Variants in TMOD1 observed in about 807,000 individuals in gnomAD.
TMOD1 encodes the protein tropomodulin 1, also known as tropomodulin-1.
A neutral mutation model predicts 40.6 loss-of-function variants in TMOD1; 17 were observed. The observed-to-expected ratio is 0.42, with a 90% CI of 0.29 to 0.63. TMOD1 has a LOEUF of 0.63. Among genes scored for constraint, TMOD1 ranks in the 20% least tolerant of loss-of-function variants. The pLI is 0.22. For missense variants in TMOD1, 391 were observed against 447.6 expected (o/e 0.87, Z 1.14); for synonymous variants, 181 against 175.0 (o/e 1.03, Z -0.27).
In TMOD1 at chr9:97,599,720, C is replaced by A; in HGVS notation, c.*22C>A. ...CTAGTGTGTGGCGGTGGAGTCCATG[C>A]CTTTGAACTGGATGTGTTCTATTGA... On this transcript the variant is annotated 3_prime_UTR_variant, in exon 10 of 10. Transcript: ENST00000259365. 1 of 1,613,974 alleles carries A rather than the reference C, an allele frequency of 6.2e-7. No homozygotes were observed. The highest frequency in any genetic ancestry group is 8.5e-7 in the Non-Finnish European group (1 of 1,179,988).
At chr9:97,563,826 A>G (rs1028706240) in intron 5 of TMOD1, among the ~76,000 whole-genome samples, 2 of 152,176 alleles carry the variant, frequency 1.3e-5, no homozygotes, top group Non-Finnish European at 2.9e-5. Context: ...TTCTTGCAGG[A>G]CGTCAAAGGC....
chr9:97,593,922 A>T (rs1365750936), intron 9 of TMOD1, among the ~76,000 whole-genome samples: 1 of 152,022 alleles, frequency 6.6e-6, no homozygotes, highest in Non-Finnish European at 1.5e-5. Flanking sequence ...TGAGTTCACA[A>T]AGTAGGAAGG....
chr9:97,601,637 G>A lies in TMOD1; in HGVS notation c.*1939G>A, dbSNP rs1041002495. 12 of 956,964 alleles carry A rather than the reference G, an allele frequency of 1.3e-5. No individual in the cohort carries two copies. The highest frequency in any genetic ancestry group is 7.1e-5 in the African/African-American group (4 of 56,614). The allele number at this position is 956,964 out of a possible 1,614,324, so 59.3% of individuals were successfully genotyped here. On this transcript the variant is annotated 3_prime_UTR_variant, in exon 10 of 10. Coordinates refer to ENST00000259365, the MANE Select transcript of TMOD1 (RefSeq NM_003275.4). The stretch of plus-strand genomic sequence containing the variant: ...AAAAGGCCAGACAGTAAAAATTTCC[G>A]ATTTTGCAGGCCACATAGTGTCTGT...
intron 8 of TMOD1, among the ~76,000 whole-genome samples, chr9:97,590,287 A>G (rs1331157559): frequency 6.6e-6 from 1 of 151,880 alleles, no homozygotes; most frequent in African/African-American, 2.4e-5. Flanking sequence ...GCAGTGGCAC[A>G]ATTTCGGCTC....
At chr9:97,568,819 A>G in intron 7 of TMOD1, 75 bp from the exon 8 acceptor site, 1 of 1,561,086 alleles carries the variant, frequency 6.4e-7, no homozygotes, top group Admixed American at 1.7e-5. Context: ...TAGGTGTCTT[A>G]GGATCTACCC....
At chr9:97,507,312 A>T (rs185503261) in intron 1 of TMOD1, among the ~76,000 whole-genome samples, 122 of 152,338 alleles carry the variant, frequency 8.0e-4, no homozygotes, top group Non-Finnish European at 1.3e-4. Flanking sequence ...GTGAGGACAG[A>T]CTTCCTCCAT....
intron 9 of TMOD1, among the ~76,000 whole-genome samples, chr9:97,598,679 G>T (rs1826170992): frequency 6.6e-6 from 1 of 152,150 alleles, no homozygotes; most frequent in Non-Finnish European, 1.5e-5. Context: ...CTCCCTTGTG[G>T]GTCTGCTTTG....
intron 8 of TMOD1, among the ~76,000 whole-genome samples, chr9:97,572,638 G>A (rs1830839005): frequency 6.6e-6 from 1 of 152,160 alleles, no homozygotes; most frequent in African/African-American, 2.4e-5. Flanking sequence ...GTGGCGAGTG[G>A]CATTTGATTT....
chr9:97,528,469 G>A (rs1381645538), intron 2 of TMOD1, among the ~76,000 whole-genome samples: 2 of 152,202 alleles, frequency 1.3e-5, no homozygotes, highest in African/African-American at 4.8e-5. Flanking sequence ...GAGGATAGGA[G>A]ATAATGGAGG....
intron 8 of TMOD1, among the ~76,000 whole-genome samples, chr9:97,572,390 G>A (rs1587950988): frequency 6.6e-6 from 1 of 152,186 alleles, no homozygotes; most frequent in East Asian, 1.9e-4. Context: ...GGGGACTGGG[G>A]GCAAGGAGAG....
At chr9:97,522,086 G>A (rs1048430971) in intron 1 of TMOD1, among the ~76,000 whole-genome samples, 3 of 152,204 alleles carry the variant, frequency 2.0e-5, no homozygotes, top group African/African-American at 7.2e-5. Flanking sequence ...GTACGTTGCT[G>A]TGAAGAAGGT....
chr9:97,600,096 T>C lies in TMOD1; in HGVS notation c.*398T>C. On this transcript the variant is annotated 3_prime_UTR_variant, in exon 10 of 10. Transcript: ENST00000259365. ...TCTTCCACATGCTTTTGAAGTATTA[T>C]AAAACACTTTATTACAAATTTGTCT... The C allele has an allele frequency of 3.0e-6, 3 of 1,013,162 alleles. No individual in the cohort carries two copies. Among genetic ancestry groups the C allele is most frequent in the Non-Finnish European group, 2.4e-6 (2 of 844,694 alleles). The allele number at this position is 1,013,162 out of a possible 1,614,324, so 62.8% of individuals were successfully genotyped here.
At position 97,601,127 on chromosome 9, in the gene TMOD1, A is replaced by G. The variant is rs1464501018; in HGVS notation, c.*1429A>G. 7.7e-7 allele frequency: 1 copy of G among 1,304,312 alleles called. No individual in the cohort carries two copies. The highest frequency in any genetic ancestry group is 1.5e-5 in the African/African-American group (1 of 66,000). 80.8% of individuals were successfully genotyped at this position (1,304,312 alleles called of 1,614,324 possible). ...GGAAGAGTGTCCACTGAGGCTGCAC[A>G]TGGCCCAGGAGTGGCACCATGTTGC... On this transcript the variant is annotated 3_prime_UTR_variant, in exon 10 of 10. Transcript: ENST00000259365.
Position 97,564,167 on chromosome 9 carries a change from G to C in TMOD1, c.617G>C (p.Arg206Pro), listed in dbSNP as rs753863731. The C allele has an allele frequency of 6.3e-7, 1 of 1,592,352 alleles. No individual in the cohort carries two copies. Among genetic ancestry groups the C allele is most frequent in the East Asian group, 2.3e-5 (1 of 44,030 alleles). Reference protein sequence around the residue: ...KLEEVNLNNIRNIPIPTLKAY... With the variant: ...KLEEVNLNNIPNIPIPTLKAY... ...GAAGAAGTTAACCTCAATAATATCC[G>C]GGTAAGGTCCATTTATTTCACTTTA... The change falls in exon 6 of 10, where the codon CGG (arginine) becomes CCG (proline). Residue 206 changes from arginine to proline, a missense_variant and splice_region_variant. Physicochemically the swap from Arg to Pro is moderately radical, Grantham distance 103. Transcript: ENST00000259365.
At chr9:97,521,758 T>C (rs1260536952) in intron 1 of TMOD1, among the ~76,000 whole-genome samples, 1 of 152,152 alleles carries the variant, frequency 6.6e-6, no homozygotes, top group African/African-American at 2.4e-5. Flanking sequence ...GGGAAGCAAG[T>C]CCTTCTTATC....
rs1829528309 is a variant in TMOD1, at chr9:97,502,901, G to C, written c.-49+1098G>C. Among the ~76,000 whole-genome samples, 1 of 152,066 alleles carries C rather than the reference G, an allele frequency of 6.6e-6. No individual in the cohort carries two copies. The highest frequency in any genetic ancestry group is 6.5e-5 in the Admixed American group (1 of 15,274). ...GGCCACAGTTTCCCGGTCTATATCG[G>C]GCCTATGATGCGTCCTCCAACCTGC... is the stretch of plus-strand genomic sequence containing the variant. On this transcript the variant is annotated intron_variant, in intron 1 of 9. Transcript: ENST00000259365. The surrounding 1 kb of genome is among the most constrained non-coding windows in gnomAD (Gnocchi z 6.1).
chr9:97,526,221 A>T (rs1253852011), intron 2 of TMOD1, among the ~76,000 whole-genome samples: 1 of 152,206 alleles, frequency 6.6e-6, no homozygotes, highest in African/African-American at 2.4e-5. Context: ...GAAATAAAGG[A>T]CCAGAATAAT....
Position 97,562,831 on chromosome 9 carries a change from C to T in TMOD1, c.487+10C>T, listed in dbSNP as rs754120118. 12 of 1,574,674 alleles carry T rather than the reference C, an allele frequency of 7.6e-6. No individual in the cohort carries two copies. In the African/African-American group the frequency reaches 9.7e-5, roughly 13 times the overall value. On this transcript the variant is annotated intron_variant, in intron 5 of 9. Coordinates refer to ENST00000259365, the MANE Select transcript of TMOD1 (RefSeq NM_003275.4). ...AAGGAGGGGCTCAACAGTGAGTATG[C>T]GCCCGCCCCCAGGAGGGACCTCATG...
intron 9 of TMOD1, among the ~76,000 whole-genome samples, chr9:97,598,518 C>T (rs1361494247): frequency 6.6e-6 from 1 of 152,184 alleles, no homozygotes; most frequent in Non-Finnish European, 1.5e-5. Context: ...TGCACAGCTA[C>T]TATGGAGATG....
Sources: gnomAD v4.1 joint callset for allele counts (sites outside exome capture counted in the v4.1 genomes callset) on GRCh38, gnomAD v4.1.1 for gene constraint, Gnocchi (gnomAD v3.1) non-coding constraint, MANE v1.5 for transcripts, NCBI Gene and HGNC (gene_info 2026-07-23, HGNC 2026-07-21) for gene names.